DNAH3: variants seen among roughly 807,000 people sequenced by gnomAD.
DNAH3 encodes the protein axonemal beta dynein heavy chain 3.
DNAH3 carries 332 observed loss-of-function variants against 432.5 expected under a neutral mutation model. That is an observed-to-expected ratio of 0.77 (90% confidence interval 0.70 to 0.84). The LOEUF (loss-of-function observed/expected upper bound fraction) is 0.84, where lower values mean the gene tolerates loss of function less well. Ranked by LOEUF, DNAH3 falls within the 40% of genes least tolerant of loss-of-function variation. DNAH3 has a pLI of 0.00. For missense variants in DNAH3, 4,861 were observed against 5,114.0 expected, an observed-to-expected ratio of 0.95 and a Z score of 1.51; for synonymous variants, 1,956 against 1,900.2, an observed-to-expected ratio of 1.03 and a Z score of -0.76.
At chr16:21,138,289 C>T (rs2092670824) in intron 5 of DNAH3, among the ~76,000 whole-genome samples, 1 of 151,976 alleles carries the variant, frequency 6.6e-6, no homozygotes, top group South Asian at 2.1e-4. Flanking sequence ...TGCTGCCAGC[C>T]TCTTTGTTAC....
chr16:20,960,689 A>G (rs1462829287), intron 53 of DNAH3, among the ~76,000 whole-genome samples: 2 of 152,212 alleles, frequency 1.3e-5, no homozygotes, highest in African/African-American at 4.8e-5. Flanking sequence ...TGGGTTACAC[A>G]GCAAGACTCC....
chr16:21,127,199 G>A (rs905767395), intron 8 of DNAH3, among the ~76,000 whole-genome samples: 3 of 151,822 alleles, frequency 2.0e-5, no homozygotes, highest in Non-Finnish European at 4.4e-5. Context: ...GGTGATAGGG[G>A]AATTTCAAGA....
At position 21,067,762 on chromosome 16, in the gene DNAH3, G is replaced by C. The variant is rs57644390; in HGVS notation, c.3382-343C>G. ...GTGATAGAGAAAGCCAGTCTTGGGG[G>C]GGGGGGTGGGGAGGGAGAGAGAGAG... is the stretch of plus-strand genomic sequence containing the variant. On this transcript the variant is annotated intron_variant, in intron 23 of 61. Coordinates refer to ENST00000261383, the Ensembl canonical transcript of DNAH3. Among the ~76,000 whole-genome samples, 63 of 49,768 alleles carry C rather than the reference G, an allele frequency of 1.3e-3. 4 individuals carry two copies. The highest frequency in any genetic ancestry group is 2.1e-3 in the Non-Finnish European group (54 of 26,048). 32.6% of individuals were successfully genotyped at this position (49,768 alleles called of 152,430 possible).
chr16:21,106,556 G>A (rs781577086), exon 15 of DNAH3: 2 of 1,612,234 alleles, frequency 1.2e-6, no homozygotes, highest in African/African-American at 1.3e-5. Flanking sequence ...TGCCTCCTGA[G>A]TTTGAACACA....
At position 21,019,878 on chromosome 16, in the gene DNAH3, G is replaced by A; in HGVS notation, c.5777-9C>T. 5 of 1,613,460 alleles carry A rather than the reference G, an allele frequency of 3.1e-6. No individual in the cohort carries two copies. Among genetic ancestry groups the A allele is most frequent in the South Asian group, 1.1e-5 (1 of 91,026 alleles). ...TACTGCCCTGATTTCATCTAAAAGTGAGAAAAGCGAATCTCAGGACAGAGT... is the reference window on the plus strand; with the variant it reads ...TACTGCCCTGATTTCATCTAAAAGTAAGAAAAGCGAATCTCAGGACAGAGT... On this transcript the variant is annotated splice_polypyrimidine_tract_variant and intron_variant, in intron 40 of 61. Coordinates refer to ENST00000261383, the Ensembl canonical transcript of DNAH3.
chr16:21,048,459 C>T (rs895030437), intron 31 of DNAH3, among the ~76,000 whole-genome samples: 3 of 152,230 alleles, frequency 2.0e-5, no homozygotes, highest in Admixed American at 6.5e-5. Context: ...TCTGTCACCC[C>T]TTTCTTTGAC....
exon 6 of DNAH3, chr16:21,136,358 C>G (rs996809624): frequency 5.6e-6 from 9 of 1,613,976 alleles, no homozygotes; most frequent in Non-Finnish European, 6.8e-6. Flanking sequence ...AATAGTCATT[C>G]TCCTTCTCCT....
chr16:21,010,501 T>A (rs376781881), intron 41 of DNAH3, among the ~76,000 whole-genome samples: 1 of 152,330 alleles, frequency 6.6e-6, no homozygotes, highest in African/African-American at 2.4e-5. Context: ...CAAAGGTCCA[T>A]GTCAAACAAT....
intron 19 of DNAH3, among the ~76,000 whole-genome samples, chr16:21,083,305 T>C (rs186403051): frequency 2.0e-5 from 3 of 152,296 alleles, no homozygotes; most frequent in Non-Finnish European, 4.4e-5. Flanking sequence ...CGTGAGCCAC[T>C]GCACCTGGCC....
At chr16:21,101,093 C>T (rs1266495506) in intron 16 of DNAH3, among the ~76,000 whole-genome samples, 4 of 152,156 alleles carry the variant, frequency 2.6e-5, no homozygotes, top group Non-Finnish European at 5.9e-5. Context: ...ATTGAAAATT[C>T]ATTTAATACA....
At chr16:21,075,642 G>A in intron 20 of DNAH3, 81 bp from the exon 21 acceptor site, 1 of 1,079,628 alleles carries the variant, frequency 9.3e-7, no homozygotes, top group African/African-American at 1.5e-5. Context: ...GCCAGGCATG[G>A]TGGCTCATGC....
At chr16:21,069,337 A>C in intron 23 of DNAH3, 78 bp downstream of exon 23, 1 of 1,273,584 alleles carries the variant, frequency 7.9e-7, no homozygotes, top group South Asian at 1.3e-5. Context: ...TACAAGTTTC[A>C]AGGAAGGTGA....
At chr16:21,104,171 T>C (rs1033690612) in intron 16 of DNAH3, 6 of 270,520 alleles carry the variant, frequency 2.2e-5, no homozygotes, top group South Asian at 5.8e-5. Context: ...ACTATTATTA[T>C]TGGGGAGGCC....
At chr16:21,031,423 G>T in intron 36 of DNAH3, 137 bp from the exon 37 acceptor site, 1 of 1,130,448 alleles carries the variant, frequency 8.8e-7, no homozygotes, top group Non-Finnish European at 1.2e-6. Context: ...TAAAACATGT[G>T]CTCAGTTTTT....
intron 53 of DNAH3, among the ~76,000 whole-genome samples, chr16:20,959,608 TAAACACACACACACACAC>T (rs1490627136): frequency 5.5e-5 from 6 of 109,446 alleles, no homozygotes; most frequent in Non-Finnish European, 1.1e-4. Flanking sequence ...TGTCTCTATT[TAAACACACACACACACAC>T]ACACACACAC....
At chr16:21,037,974 G>C in exon 34 of DNAH3, 1 of 1,613,888 alleles carries the variant, frequency 6.2e-7, no homozygotes, top group Non-Finnish European at 8.5e-7. Context: ...CGATCTTCTG[G>C]GCGAGACTAG....
chr16:21,083,022 CT>C (rs112090022), intron 19 of DNAH3, among the ~76,000 whole-genome samples: 189 of 140,120 alleles, frequency 1.3e-3, no homozygotes, highest in African/African-American at 1.4e-3. Flanking sequence ...TTTTTCCATA[CT>C]TTTTTTTTTT....
intron 41 of DNAH3, 98 bp downstream of exon 41, chr16:21,019,526 C>T: frequency 7.0e-7 from 1 of 1,432,574 alleles, no homozygotes; most frequent in Non-Finnish European, 9.5e-7. Context: ...CCTTCTGTGG[C>T]TTTTGTAAAG....
At chr16:21,138,341 G>A (rs2092672021) in intron 5 of DNAH3, among the ~76,000 whole-genome samples, 1 of 152,098 alleles carries the variant, frequency 6.6e-6, no homozygotes, top group Non-Finnish European at 1.5e-5. Flanking sequence ...CTGCTAACAG[G>A]GGAGTATTGC....
Sources: gnomAD v4.1 joint callset for allele counts (sites outside exome capture counted in the v4.1 genomes callset) on GRCh38, gnomAD v4.1.1 for gene constraint, MANE v1.5 for transcripts, NCBI Gene and HGNC (gene_info 2026-07-23, HGNC 2026-07-21) for gene names.